The following TELO2 variants were observed in gnomAD, a reference collection of about 807,000 sequenced individuals.
TELO2 encodes telomere maintenance 2, also known as telomere length regulation protein TEL2 homolog.
In TELO2, 71 loss-of-function variants were observed where a neutral mutation model predicts 91.0. The observed-to-expected ratio is 0.78, with a 90% CI of 0.64 to 0.95. The LOEUF (loss-of-function observed/expected upper bound fraction) is 0.95, where lower values mean the gene tolerates loss of function less well. TELO2 is among the 40% of genes least tolerant of loss of function. TELO2 has a pLI of 0.00. For synonymous variants in TELO2, 584 were observed against 518.9 expected (o/e 1.13, Z -1.71); for missense variants, 1,183 against 1,141.3 (o/e 1.04, Z -0.53).
In TELO2 at chr16:1,494,809, A is replaced by T. The variant is rs1290928512; in HGVS notation, c.335+193A>T. Among the ~76,000 whole-genome samples the T allele has an allele frequency of 6.6e-6, 1 of 152,196 alleles. No homozygotes were observed. The highest frequency in any genetic ancestry group is 1.5e-5 in the Non-Finnish European group (1 of 68,030). ...CGACGGGAGGCACCTGCTGTGTCTCACAAAGTCCCCCACTTGCTCCCCGTC... is the reference window on the plus strand; with the variant it reads ...CGACGGGAGGCACCTGCTGTGTCTCTCAAAGTCCCCCACTTGCTCCCCGTC... On this transcript the variant is annotated intron_variant, in intron 2 of 20. Transcript: ENST00000262319. The surrounding 1 kb of genome is among the most constrained non-coding windows in gnomAD (Gnocchi z 5.6).
intron 7 of TELO2, 82 bp downstream of exon 7, chr16:1,500,246 G>C (rs1054410987): frequency 7.8e-6 from 12 of 1,530,648 alleles, no homozygotes; most frequent in South Asian, 1.2e-5. Context: ...GGCAGGGTGA[G>C]GCTGGCTGGG....
chr16:1,506,928 C>G (rs201174538), intron 17 of TELO2, 24 bp from the exon 18 acceptor site: 1 of 1,591,754 alleles, frequency 6.3e-7, no homozygotes, highest in East Asian at 2.3e-5. Context: ...CCCGCTGCAC[C>G]TTGGGCTCCA....
Position 1,510,414 on chromosome 16 carries a change from A to G in TELO2, c.*478A>G, listed in dbSNP as rs531109941. On this transcript the variant is annotated 3_prime_UTR_variant, in exon 21 of 21. Coordinates refer to ENST00000262319, the MANE Select transcript of TELO2 (RefSeq NM_016111.4). ...GGATGGGCTCGTGGGGCGGGATGGG[A>G]CAGGGCACGGGCTCTCAGAAAATAA... is the stretch of plus-strand genomic sequence containing the variant. 1 of 223,182 alleles carries G rather than the reference A, an allele frequency of 4.5e-6. No homozygotes were observed. The highest frequency in any genetic ancestry group is 1.3e-4 in the East Asian group (1 of 7,432). 13.8% of individuals were successfully genotyped at this position (223,182 alleles called of 1,614,324 possible).
chr16:1,501,406 C>T lies in TELO2; in HGVS notation c.1282-14C>T. ...AGCCTGGCGGATGCCGCTGAGCCTG[C>T]TCCCCTGCTGTAGTACGAAGAGGAT... On this transcript the variant is annotated splice_polypyrimidine_tract_variant and intron_variant, in intron 9 of 20. Coordinates refer to ENST00000262319, the MANE Select transcript of TELO2 (RefSeq NM_016111.4). 6.2e-7 allele frequency: 1 copy of T among 1,611,628 alleles called. No homozygotes were observed. The highest frequency in any genetic ancestry group is 1.7e-5 in the Admixed American group (1 of 59,904).
rs1332946531 is a variant in TELO2, at chr16:1,493,769, A to G, written c.-37+164A>G. 6.6e-6 allele frequency among the ~76,000 whole-genome samples: 1 copy of G among 152,140 alleles called. No homozygotes were observed. Among genetic ancestry groups the G allele is most frequent in the Admixed American group, 6.5e-5 (1 of 15,284 alleles). On this transcript the variant is annotated intron_variant, in intron 1 of 20. Coordinates refer to ENST00000262319, the MANE Select transcript of TELO2 (RefSeq NM_016111.4). The surrounding 1 kb of genome is among the most constrained non-coding windows in gnomAD (Gnocchi z 4.3). The stretch of plus-strand genomic sequence containing the variant: ...GGGCGGGTCCGCGTGCGGCTCCTCT[A>G]GCCCCGAACCCGTGTTCCCCGTAAG...
Position 1,497,505 on chromosome 16 carries a change from T to C in TELO2, c.827T>C (p.Leu276Pro), listed in dbSNP as rs370884980. The C allele has an allele frequency of 2.0e-4, 316 of 1,561,044 alleles. No individual in the cohort carries two copies. In the African/African-American group the frequency reaches 4.0e-3, roughly 20 times the overall value. Residue 276 changes from leucine to proline, a missense_variant, in exon 5 of 21, where the codon CTG becomes CCG. By Grantham distance (98) the Leu-to-Pro change is moderately conservative. Transcript: ENST00000262319. This position sits in a 1 kb window ranked among gnomAD's most constrained non-coding sequence, Gnocchi z 4.0. Reference sequence around the variant, plus strand: ...CTGACCGGGCTGGTGGAGGCCGCACTGGGGTAAGCAGCCAGGCTGTCCTCC... The same window carrying C: ...CTGACCGGGCTGGTGGAGGCCGCACCGGGGTAAGCAGCCAGGCTGTCCTCC... ...AVLTGLVEAA[L>P]GPEVLSRLLG...
In TELO2 at chr16:1,494,392, G is replaced by C; in HGVS notation, c.111G>C (p.Arg37=). 1.9e-6 allele frequency: 3 copies of C among 1,613,580 alleles called. No individual in the cohort carries two copies. Among genetic ancestry groups the C allele is most frequent in the Non-Finnish European group, 2.5e-6 (3 of 1,180,008 alleles). Residue 37 remains arginine (R), a synonymous_variant, in exon 2 of 21, where the codon CGG becomes CGC. Coordinates refer to ENST00000262319, the MANE Select transcript of TELO2 (RefSeq NM_016111.4). This position sits in a 1 kb window ranked among gnomAD's most constrained non-coding sequence, Gnocchi z 5.6. ...TCTGCACCCTGGAGTCCCTGAAGCGGTATCTCGGTGAGATGGAGCCTCCAG... is the reference window on the plus strand; with the variant it reads ...TCTGCACCCTGGAGTCCCTGAAGCGCTATCTCGGTGAGATGGAGCCTCCAG... ...HIFCTLESLK[R]YLGEMEPPAL... is the part of the protein sequence containing the mutation.
Position 1,497,107 on chromosome 16 carries a change from G to T in TELO2, c.682+3G>T, listed in dbSNP as rs748498842. ...AGCCTGTGTCCACGGGAGGCAGCGTGAGTAGAGCAGTGCCTTCCTGCCCAT... is the reference window on the plus strand; with the variant it reads ...AGCCTGTGTCCACGGGAGGCAGCGTTAGTAGAGCAGTGCCTTCCTGCCCAT... On this transcript the variant is annotated splice_donor_region_variant and intron_variant, in intron 4 of 20. Transcript: ENST00000262319. This position sits in a 1 kb window ranked among gnomAD's most constrained non-coding sequence, Gnocchi z 4.0. 1 of 1,613,992 alleles carries T rather than the reference G, an allele frequency of 6.2e-7. No homozygotes were observed. Among genetic ancestry groups the T allele is most frequent in the Non-Finnish European group, 8.5e-7 (1 of 1,179,978 alleles).
rs566421595 is a variant in TELO2 at position 1,495,675 on chromosome 16, G to A, written c.613+52G>A. 251 of 1,532,510 alleles carry A rather than the reference G, an allele frequency of 1.6e-4. 2 individuals are homozygous for A. The South Asian group carries it at 3.0e-3, about 18-fold the overall frequency. The allele number at this position is 1,532,510 out of a possible 1,614,324, so 94.9% of individuals were successfully genotyped here. ...TTGCCACCCGTCTTCTTGGGTCCTC[G>A]TCCCCTGCCACCCTCTGGTGCCTCA... On this transcript the variant is annotated intron_variant, in intron 3 of 20. Coordinates refer to ENST00000262319, the MANE Select transcript of TELO2 (RefSeq NM_016111.4).
At position 1,500,373 on chromosome 16, in the gene TELO2, GGGCAGCAGCAGT is replaced by G. The variant is rs2039633829; in HGVS notation, c.1031_1042del (p.Gly344_Ser347del). 6.3e-7 allele frequency: 1 copy of G among 1,596,030 alleles called. No homozygotes were observed. The highest frequency in any genetic ancestry group is 8.5e-7 in the Non-Finnish European group (1 of 1,173,302). On this transcript the variant is annotated inframe_deletion, in exon 8 of 21. Transcript: ENST00000262319. The stretch of plus-strand genomic sequence containing the variant: ...TGCTGAAGGAGCTGTTGGAGACGTG[GGGCAGCAGCAGT>G]GCCATCCGCCACACTCCCCTGCCGC...
intron 18 of TELO2, 42 bp from the exon 19 acceptor site, chr16:1,507,264 C>A: frequency 6.3e-7 from 1 of 1,598,462 alleles, no homozygotes; most frequent in Non-Finnish European, 8.5e-7. Flanking sequence ...GATGTGGGGA[C>A]GGCGTCGGGA....
Position 1,506,810 on chromosome 16 carries a change from C to T in TELO2, c.2127-142C>T, listed in dbSNP as rs1032328297. On this transcript the variant is annotated intron_variant, in intron 17 of 20. Coordinates refer to ENST00000262319, the MANE Select transcript of TELO2 (RefSeq NM_016111.4). ...GAGTAGGCACCCGGAAATGTCTGCT[C>T]CTACGATCTCGGTGCAGGCAAGGCG... The T allele has an allele frequency of 3.7e-5, 53 of 1,423,778 alleles. No individual in the cohort carries two copies. The African/African-American group carries it at 4.5e-4, about 12-fold the overall frequency. The allele number at this position is 1,423,778 out of a possible 1,614,324, so 88.2% of individuals were successfully genotyped here.
chr16:1,507,218 T>G, intron 18 of TELO2, 88 bp from the exon 19 acceptor site: 1 of 1,551,886 alleles, frequency 6.4e-7, no homozygotes, highest in Non-Finnish European at 8.7e-7. Flanking sequence ...CTGTCCCTGC[T>G]GCTGCCCAGC....
rs1266813070 is a variant in TELO2, at chr16:1,505,886, G to C, written c.2034+285G>C. ...GGCCAGGGGTGGTGTTGCTCCACCT[G>C]AGGATGTTTAGGGGCGTCTGGAGAT... On this transcript the variant is annotated intron_variant, in intron 16 of 20. Coordinates refer to ENST00000262319, the MANE Select transcript of TELO2 (RefSeq NM_016111.4). This position sits in a 1 kb window ranked among gnomAD's most constrained non-coding sequence, Gnocchi z 4.3. 1.3e-5 allele frequency among the ~76,000 whole-genome samples: 2 copies of C among 152,214 alleles called. No homozygotes were observed. Among genetic ancestry groups the C allele is most frequent in the Admixed American group, 1.3e-4 (2 of 15,286 alleles).
At chr16:1,499,720 G>A (rs1339962929) in intron 6 of TELO2, among the ~76,000 whole-genome samples, 2 of 152,166 alleles carry the variant, frequency 1.3e-5, no homozygotes, top group Non-Finnish European at 2.9e-5. Context: ...CAGGTCCCCT[G>A]AGCCCAGAGT....
Position 1,494,507 on chromosome 16 carries a change from G to C in TELO2, c.226G>C (p.Glu76Gln). ...LASRLSPAWL[E>Q]LLPHGRLEEL... ...CAGCAGGCTGAGCCCAGCCTGGCTGGAGCTGCTGCCCCATGGCCGCCTGGA... is the reference window on the plus strand; with the variant it reads ...CAGCAGGCTGAGCCCAGCCTGGCTGCAGCTGCTGCCCCATGGCCGCCTGGA... The change falls in exon 2 of 21, where the codon GAG (glutamate) becomes CAG (glutamine). Residue 76 changes from glutamate to glutamine, a missense_variant. Glu to Gln is a conservative substitution (Grantham distance 29). Transcript: ENST00000262319. This position sits in a 1 kb window ranked among gnomAD's most constrained non-coding sequence, Gnocchi z 5.6. The C allele has an allele frequency of 1.2e-6, 2 of 1,613,292 alleles. No individual in the cohort carries two copies. The highest frequency in any genetic ancestry group is 1.7e-6 in the Non-Finnish European group (2 of 1,179,920).
rs199748546 is a variant in TELO2 at position 1,501,683 on chromosome 16, C to A, written c.1382C>A (p.Thr461Lys). Reference protein sequence around the residue: ...SEAGTSLVPATAEPPAETPAE... With the variant: ...SEAGTSLVPAKAEPPAETPAE... ...TAAAGCACGTCCCTCGTTCCAGCCA[C>A]GGCAGAGCCCCCTGCAGAGACCCCC... Residue 461 changes from threonine to lysine, a missense_variant, in exon 11 of 21, where the codon ACG (threonine) becomes AAG (lysine). By Grantham distance (78) the Thr-to-Lys change is moderately conservative. Coordinates refer to ENST00000262319, the MANE Select transcript of TELO2 (RefSeq NM_016111.4). The A allele has an allele frequency of 5.5e-5, 88 of 1,610,236 alleles. No individual in the cohort carries two copies. The Middle Eastern group carries it at 6.6e-4, about 12-fold the overall frequency.
In TELO2 at chr16:1,502,812, C is replaced by T. The variant is rs60615494; in HGVS notation, c.1770+51C>T. 8,236 of 1,603,928 alleles carry T rather than the reference C, an allele frequency of 5.1e-3. 387 individuals are homozygous for T. In the African/African-American group the frequency reaches 0.095, roughly 19 times the overall value. ...GCCAGTGCAGGCACAGCGGGAAGCACTGGGAGCTGCGGTGCCTGAGTCTCG... is the reference window on the plus strand; with the variant it reads ...GCCAGTGCAGGCACAGCGGGAAGCATTGGGAGCTGCGGTGCCTGAGTCTCG... On this transcript the variant is annotated intron_variant, in intron 14 of 20. Transcript: ENST00000262319.
At chr16:1,499,697 G>A (rs995600578) in intron 6 of TELO2, among the ~76,000 whole-genome samples, 2 of 152,312 alleles carry the variant, frequency 1.3e-5, no homozygotes, top group African/African-American at 2.4e-5. Context: ...CCTGGAGCCC[G>A]GAGGGGGTGA....
Sources: gnomAD v4.1 joint callset for allele counts (sites outside exome capture counted in the v4.1 genomes callset) on GRCh38, gnomAD v4.1.1 for gene constraint, Gnocchi (gnomAD v3.1) non-coding constraint, MANE v1.5 for transcripts, NCBI Gene and HGNC (gene_info 2026-07-23, HGNC 2026-07-21) for gene names.